The following CRYBG1 variants were observed in gnomAD, a reference collection of about 807,000 sequenced individuals.
The protein encoded by CRYBG1 is beta/gamma crystallin domain-containing protein 1.
In CRYBG1, 139 loss-of-function variants were observed where a neutral mutation model predicts 189.2. That is an observed-to-expected ratio of 0.73 (90% CI 0.64 to 0.85). The LOEUF (loss-of-function observed/expected upper bound fraction) is 0.85. Among genes scored for constraint, CRYBG1 ranks in the 40% least tolerant of loss-of-function variants. The probability of loss-of-function intolerance (pLI) is 0.00; values close to 1 mark genes in which losing one functional copy is unlikely to be tolerated. For missense variants in CRYBG1, 2,611 were observed against 2,675.8 expected (o/e 0.98, Z 0.53); for synonymous variants, 1,023 against 1,017.1 (o/e 1.01, Z -0.11).
intron 2 of CRYBG1, among the ~76,000 whole-genome samples, chr6:106,506,746 C>G (rs559464582): frequency 6.6e-6 from 1 of 152,124 alleles, no homozygotes; most frequent in Non-Finnish European, 1.5e-5. Flanking sequence ...AGCCACTGCA[C>G]CCAGTCTAGA....
At position 106,521,405 on chromosome 6, in the gene CRYBG1, G is replaced by A. The variant is rs371480971; in HGVS notation, c.4197G>A (p.Arg1399=). The change falls in exon 4 of 22, where the codon CGG becomes CGA. Residue 1399 remains arginine (R), a synonymous_variant. Coordinates refer to ENST00000633556, the MANE Select transcript of CRYBG1 (RefSeq NM_001371242.2). ...TCATGGGTCTTTTCAAATCAAGCCG[G>A]TATGACCCAAGCATTTCTTTTTCTG... ...TDFMGLFKSS[R]YDPSISFSGM... is the part of the protein sequence containing the mutation. 6.2e-7 allele frequency: 1 copy of A among 1,605,586 alleles called. No individual in the cohort carries two copies. Among genetic ancestry groups the A allele is most frequent in the Non-Finnish European group, 8.5e-7 (1 of 1,177,482 alleles).
intron 1 of CRYBG1, among the ~76,000 whole-genome samples, chr6:106,426,619 T>C (rs1386347401): frequency 6.6e-6 from 1 of 152,198 alleles, no homozygotes; most frequent in East Asian, 1.9e-4. Flanking sequence ...TACTATTTCT[T>C]GCCTGGGTTC....
At chr6:106,518,926 T>C (rs13194986) in intron 3 of CRYBG1, among the ~76,000 whole-genome samples, 35,215 of 151,596 alleles carry the variant, frequency 0.23, 4,347 homozygotes, top group South Asian at 0.34. Context: ...ACTGCTGTAC[T>C]CCAGTCTTGG....
chr6:106,500,265 A>T (rs1282997742), intron 2 of CRYBG1, among the ~76,000 whole-genome samples: 1 of 152,160 alleles, frequency 6.6e-6, no homozygotes, highest in Non-Finnish European at 1.5e-5. Context: ...ATACTAATTT[A>T]TATTCCCACC....
chr6:106,498,101 A>T (rs1249675639), intron 2 of CRYBG1, among the ~76,000 whole-genome samples: 3 of 40,494 alleles, frequency 7.4e-5, no homozygotes, highest in African/African-American at 1.9e-4. Context: ...ACTCCGTCTT[A>T]AAAAAAAAAA....
chr6:106,453,338 G>T (rs1771820638), intron 2 of CRYBG1, among the ~76,000 whole-genome samples: 1 of 152,064 alleles, frequency 6.6e-6, no homozygotes. Context: ...ACTCAAAATA[G>T]CATAATATCA....
At chr6:106,486,140 G>C (rs1268345134) in intron 2 of CRYBG1, among the ~76,000 whole-genome samples, 1 of 152,054 alleles carries the variant, frequency 6.6e-6, no homozygotes, top group Non-Finnish European at 1.5e-5. Flanking sequence ...TGTCCCACAG[G>C]TTTTGCTTTG....
Position 106,530,210 on chromosome 6 carries a change from A to T in CRYBG1, c.4613A>T (p.Glu1538Val). Residue 1538 changes from glutamate to valine, a missense_variant, in exon 8 of 22, where the codon GAA becomes GTA. Around this residue, in one of 3 missense-constraint regions of CRYBG1, gnomAD observed 1,622 missense variants for 1,735.0 expected, o/e 0.93. Transcript: ENST00000633556. ...GTTAGTCACATTGACTTATTTACTG[A>T]ACCAGAAGGGTTAGGAATCCTAAGT... ...YRVSHIDLFT[E>V]PEGLGILSSY... 1 of 1,613,310 alleles carries T rather than the reference A, an allele frequency of 6.2e-7. No individual in the cohort carries two copies. The highest frequency in any genetic ancestry group is 2.2e-5 in the East Asian group (1 of 44,828).
intron 8 of CRYBG1, among the ~76,000 whole-genome samples, chr6:106,533,585 A>T (rs1773922508): frequency 6.6e-6 from 1 of 152,194 alleles, no homozygotes; most frequent in South Asian, 2.1e-4. Flanking sequence ...TAGACGTGCG[A>T]TGGTGGTGGT....
At chr6:106,444,469 G>C (rs1230575981) in intron 1 of CRYBG1, among the ~76,000 whole-genome samples, 1 of 152,142 alleles carries the variant, frequency 6.6e-6, no homozygotes, top group African/African-American at 2.4e-5. Flanking sequence ...CAATTCTCCT[G>C]GTTGTTTGGT....
At chr6:106,470,227 G>A (rs981172697) in intron 2 of CRYBG1, among the ~76,000 whole-genome samples, 2 of 152,158 alleles carry the variant, frequency 1.3e-5, no homozygotes, top group East Asian at 1.9e-4. Flanking sequence ...GGGAGGCTGA[G>A]GAGGGAAGAT....
At chr6:106,405,126 A>G (rs867920609) in intron 1 of CRYBG1, among the ~76,000 whole-genome samples, 6 of 152,162 alleles carry the variant, frequency 3.9e-5, no homozygotes, top group African/African-American at 1.4e-4. Context: ...CAAGCTAAGA[A>G]CCACTGGCTT....
chr6:106,383,771 A>G (rs1332591735), intron 1 of CRYBG1, among the ~76,000 whole-genome samples: 1 of 152,198 alleles, frequency 6.6e-6, no homozygotes, highest in Non-Finnish European at 1.5e-5. Flanking sequence ...TTTGCAATAG[A>G]TAACTTCCTC....
At chr6:106,436,930 A>G (rs1427183443) in intron 1 of CRYBG1, among the ~76,000 whole-genome samples, 2 of 145,584 alleles carry the variant, frequency 1.4e-5, no homozygotes, top group Admixed American at 6.8e-5. Context: ...CCCGAGTAGT[A>G]TGTTAAACCA....
intron 4 of CRYBG1, among the ~76,000 whole-genome samples, chr6:106,521,804 C>T (rs58691652): frequency 2.0e-5 from 3 of 148,990 alleles, no homozygotes; most frequent in African/African-American, 7.4e-5. Context: ...CTGCAACCTC[C>T]ACCTCCTGGG....
chr6:106,520,330 AG>A lies in CRYBG1; in HGVS notation c.3124del (p.Ala1042LeufsTer10). ...PPASEKTLPI[Q>X]AQSQGSRTPL... is the part of the protein sequence containing the mutation. Reference sequence around the variant, plus strand: ...GCATCAGAGAAAACTCTGCCTATTCAGGCTCAAAGTCAGGGCAGCAGAACAC... The same window carrying A: ...GCATCAGAGAAAACTCTGCCTATTCAGCTCAAAGTCAGGGCAGCAGAACAC... On this transcript the variant is annotated frameshift_variant, in exon 4 of 22. Transcript: ENST00000633556. LOFTEE classifies it high-confidence loss of function. The A allele has an allele frequency of 1.2e-6, 2 of 1,614,114 alleles. No homozygotes were observed. The highest frequency in any genetic ancestry group is 1.1e-5 in the South Asian group (1 of 91,086).
In CRYBG1 at chr6:106,541,633, T is replaced by A. The variant is rs768716868; in HGVS notation, c.4881+12T>A. The stretch of plus-strand genomic sequence containing the variant: ...CTACAGATCCAAAGGTAAAAATATA[T>A]ATGTATTTTTGTATGTATGTATATG... On this transcript the variant is annotated intron_variant, in intron 10 of 21. Transcript: ENST00000633556. 6.3e-7 allele frequency: 1 copy of A among 1,582,552 alleles called. No homozygotes were observed. The highest frequency in any genetic ancestry group is 1.1e-5 in the South Asian group (1 of 89,762).
chr6:106,504,878 A>G (rs1365932486), intron 2 of CRYBG1, among the ~76,000 whole-genome samples: 3 of 152,058 alleles, frequency 2.0e-5, no homozygotes, highest in Admixed American at 6.5e-5. Flanking sequence ...TCTGCCATAC[A>G]CTTATCATGG....
chr6:106,430,503 C>T (rs759524016), intron 1 of CRYBG1, among the ~76,000 whole-genome samples: 24 of 152,182 alleles, frequency 1.6e-4, no homozygotes, highest in Non-Finnish European at 2.5e-4. Flanking sequence ...CCACATTTGG[C>T]GAACTAAAAT....
Sources: gnomAD v4.1 joint callset for allele counts (sites outside exome capture counted in the v4.1 genomes callset) on GRCh38, gnomAD v4.1.1 for gene constraint, gnomAD v4.1.1 regional missense constraint, MANE v1.5 for transcripts, NCBI Gene and HGNC (gene_info 2026-07-23, HGNC 2026-07-21) for gene names.